The following ANAPC5 variants were observed in gnomAD, a reference collection of about 807,000 sequenced individuals.
ANAPC5 encodes the protein anaphase-promoting complex subunit 5.
Under a neutral mutation model 91.3 loss-of-function variants are expected in ANAPC5, and 60 were observed. That is an observed-to-expected ratio of 0.66 (90% CI 0.53 to 0.81). The LOEUF is 0.81. ANAPC5 is among the 40% of genes least tolerant of loss of function. The probability of loss-of-function intolerance (pLI) is 0.00; values close to 1 mark genes in which losing one functional copy is unlikely to be tolerated. For synonymous variants in ANAPC5, 340 were observed against 364.1 expected, an observed-to-expected ratio of 0.93 and a Z score of 0.75; for missense variants, 690 against 931.5, an observed-to-expected ratio of 0.74 and a Z score of 3.37.
chr12:121,335,775 T>C, intron 6 of ANAPC5, 52 bp from the exon 7 acceptor site: 1 of 1,471,976 alleles, frequency 6.8e-7, no homozygotes, highest in Non-Finnish European at 9.3e-7. Flanking sequence ...ATCTCTGGTG[T>C]AAGACAACTG....
intron 2 of ANAPC5, chr12:121,347,323 G>A: frequency 3.1e-6 from 1 of 324,174 alleles, no homozygotes; most frequent in Non-Finnish European, 5.7e-6. Flanking sequence ...CTATAAAACA[G>A]TATGCTTAAT....
intron 15 of ANAPC5, among the ~76,000 whole-genome samples, chr12:121,317,161 A>G (rs1364410213): frequency 6.6e-6 from 1 of 152,160 alleles, no homozygotes; most frequent in Non-Finnish European, 1.5e-5. Flanking sequence ...GAAATTAGAT[A>G]GCAGTAATGG....
In ANAPC5 at chr12:121,309,767, T is replaced by C. The variant is rs753277943; in HGVS notation, c.1990A>G (p.Met664Val). Residue 664 changes from methionine (M) to valine (V), a missense_variant, in exon 16 of 17, where the codon ATG becomes GTG. Transcript: ENST00000261819. ...DGAILDKGRA[M>V]FLVAKCQVAS... is the part of the protein sequence containing the mutation. Reference sequence around the variant, plus strand: ...ACCTGGCACTTGGCCACTAAGAACATGGCACGACCTTTGTCCAGGATAGCC... The same window carrying C: ...ACCTGGCACTTGGCCACTAAGAACACGGCACGACCTTTGTCCAGGATAGCC... 3.7e-6 allele frequency: 6 copies of C among 1,614,144 alleles called. No homozygotes were observed. The Admixed American group carries it at 5.0e-5, about 13-fold the overall frequency.
chr12:121,344,703 G>C (rs1013464603), intron 4 of ANAPC5, among the ~76,000 whole-genome samples: 6 of 152,138 alleles, frequency 3.9e-5, no homozygotes, highest in Non-Finnish European at 5.9e-5. Context: ...CACATGAGGT[G>C]AAAAGCCAGG....
upstream of ANAPC5, among the ~76,000 whole-genome samples, chr12:121,353,459 T>TGTTTTG (rs1555275726): frequency 6.6e-6 from 1 of 152,198 alleles, no homozygotes; most frequent in Non-Finnish European, 1.5e-5. Context: ...TGTTTTGTTT[T>TGTTTTG]GAGACGGAGT....
Position 121,309,750 on chromosome 12 carries a change from CT to C in ANAPC5, c.2006del (p.Lys669SerfsTer83), listed in dbSNP as rs766870329. On this transcript the variant is annotated frameshift_variant, in exon 16 of 17. Coordinates refer to ENST00000261819, the MANE Select transcript of ANAPC5 (RefSeq NM_016237.5). LOFTEE classifies it high-confidence loss of function. ...AGGAAGCTGCTGAAGCCACCTGGCACTTGGCCACTAAGAACATGGCACGACC... is the reference window on the plus strand; with the variant it reads ...AGGAAGCTGCTGAAGCCACCTGGCACTGGCCACTAAGAACATGGCACGACC... Reference protein sequence around the residue: ...DKGRAMFLVAKCQVASAASYD... With the variant: ...DKGRAMFLVAXCQVASAASYD... 3.1e-6 allele frequency: 5 copies of C among 1,614,066 alleles called. No homozygotes were observed. The highest frequency in any genetic ancestry group is 4.2e-6 in the Non-Finnish European group (5 of 1,180,034).
At chr12:121,335,798 C>T in intron 6 of ANAPC5, 75 bp from the exon 7 acceptor site, 2 of 1,304,638 alleles carry the variant, frequency 1.5e-6, no homozygotes. Flanking sequence ...GAGAGTTCCA[C>T]TGTCTACAAA....
upstream of ANAPC5, chr12:121,352,593 G>A (rs936235843): frequency 5.1e-5 from 23 of 447,702 alleles, no homozygotes; most frequent in Non-Finnish European, 7.6e-5. Context: ...AACTTTTGCC[G>A]AGTGGGAGCA....
chr12:121,324,631 C>G (rs747738760), intron 11 of ANAPC5, among the ~76,000 whole-genome samples: 3 of 152,208 alleles, frequency 2.0e-5, no homozygotes, highest in African/African-American at 7.2e-5. Flanking sequence ...GTGACTCACA[C>G]CTGTAATTCC....
chr12:121,354,114 G>A (rs138175231), upstream of ANAPC5, among the ~76,000 whole-genome samples: 523 of 146,254 alleles, frequency 3.6e-3, 6 homozygotes, highest in African/African-American at 0.012. Flanking sequence ...TCAGCCTCCC[G>A]AGTAGCTGGA....
intron 11 of ANAPC5, among the ~76,000 whole-genome samples, chr12:121,321,872 C>CT (rs546471144): frequency 0.013 from 1,730 of 135,988 alleles, 27 homozygotes; most frequent in African/African-American, 0.044. Flanking sequence ...GTTGTTGTTG[C>CT]TTTTTTTTTT....
upstream of ANAPC5, among the ~76,000 whole-genome samples, chr12:121,352,718 T>TTGTTGTTGGTGGTGGTGGTGG (rs71079056): frequency 3.6e-4 from 37 of 102,438 alleles, no homozygotes; most frequent in African/African-American, 4.5e-4. Context: ...GTTGTTGTTG[T>TTGTTGTTGGTGGTGGTGGTGG]TGGTGGTGGT....
chr12:121,312,425 A>C (rs1432252896), intron 15 of ANAPC5, among the ~76,000 whole-genome samples: 3 of 151,752 alleles, frequency 2.0e-5, no homozygotes, highest in African/African-American at 7.3e-5. Context: ...TTACCCAGGT[A>C]GCCAGGCACA....
chr12:121,349,334 G>A (rs1169414880), intron 1 of ANAPC5, among the ~76,000 whole-genome samples: 8 of 152,054 alleles, frequency 5.3e-5, no homozygotes, highest in African/African-American at 1.9e-4. Flanking sequence ...GCTGAGGCAG[G>A]TGGATCCCTT....
intron 1 of ANAPC5, among the ~76,000 whole-genome samples, chr12:121,350,464 G>C (rs1404575520): frequency 6.6e-6 from 1 of 152,058 alleles, no homozygotes; most frequent in East Asian, 1.9e-4. Context: ...GACAGATCAC[G>C]AGGTCTGGAG....
At chr12:121,343,930 C>T (rs1903557615) in intron 4 of ANAPC5, among the ~76,000 whole-genome samples, 1 of 152,180 alleles carries the variant, frequency 6.6e-6, no homozygotes, top group Non-Finnish European at 1.5e-5. Flanking sequence ...ATATGAAATA[C>T]ATACATATCT....
rs1226002240 is a variant in ANAPC5 at position 121,337,381 on chromosome 12, T to C, written c.669A>G (p.Leu223=). 3.1e-6 allele frequency: 5 copies of C among 1,612,360 alleles called. No homozygotes were observed. The highest frequency in any genetic ancestry group is 4.2e-6 in the Non-Finnish European group (5 of 1,178,724). ...TGAGGGCCTTAGTCTCATCATTCTT[T>C]AGCAAAGAAGCCTGAAATTTAAAAA... The part of the protein sequence containing the change: ...EFFLSQQASL[L]KNDETKALTP... The change falls in exon 6 of 17, where the codon CTA becomes CTG. Residue 223 remains leucine, a synonymous_variant. Coordinates refer to ENST00000261819, the MANE Select transcript of ANAPC5 (RefSeq NM_016237.5).
intron 5 of ANAPC5, among the ~76,000 whole-genome samples, chr12:121,339,567 T>C (rs1370414285): frequency 1.3e-5 from 2 of 152,074 alleles, no homozygotes; most frequent in Non-Finnish European, 2.9e-5. Context: ...GCCTCATGGG[T>C]TCAAGCGATT....
At chr12:121,326,984 G>T in intron 11 of ANAPC5, 112 bp downstream of exon 11, 2 of 1,363,950 alleles carry the variant, frequency 1.5e-6, no homozygotes, top group Non-Finnish European at 1.9e-6. Context: ...TTCAGCCACA[G>T]TGTCGAGCAG....
Sources: gnomAD v4.1 joint callset for allele counts (sites outside exome capture counted in the v4.1 genomes callset) on GRCh38, gnomAD v4.1.1 for gene constraint, MANE v1.5 for transcripts, NCBI Gene and HGNC (gene_info 2026-07-23, HGNC 2026-07-21) for gene names.